Variants in CNTN5 observed in about 807,000 individuals in gnomAD.
The protein encoded by CNTN5 is contactin 5, also known as contactin-5.
CNTN5 carries 77 observed loss-of-function variants against 129.1 expected under a neutral mutation model. The ratio of observed to expected loss-of-function variants is 0.60; its 90% CI spans 0.50 to 0.72. The LOEUF is 0.72. Among genes scored for constraint, CNTN5 ranks in the 30% least tolerant of loss-of-function variants. The probability of loss-of-function intolerance (pLI) is 0.00; values close to 1 mark genes in which losing one functional copy is unlikely to be tolerated. For missense variants in CNTN5, 1,478 were observed against 1,328.8 expected (o/e 1.11, Z -1.75); for synonymous variants, 509 against 465.6 (o/e 1.09, Z -1.20).
intron 3 of CNTN5, among the ~76,000 whole-genome samples, chr11:99,678,123 A>G (rs1277258556): frequency 6.6e-6 from 1 of 152,120 alleles, no homozygotes; most frequent in African/African-American, 2.4e-5. Context: ...TATGTAAATA[A>G]TTGTTGAATA....
chr11:100,312,572 C>A (rs1004219423), intron 21 of CNTN5, among the ~76,000 whole-genome samples: 7 of 151,998 alleles, frequency 4.6e-5, no homozygotes, highest in Non-Finnish European at 1.0e-4. Context: ...CTATCCCTAC[C>A]ACAATTCTAC....
At chr11:99,592,787 T>C (rs1950018015) in intron 3 of CNTN5, among the ~76,000 whole-genome samples, 1 of 152,168 alleles carries the variant, frequency 6.6e-6, no homozygotes, top group South Asian at 2.1e-4. Context: ...GAAGGATTGT[T>C]TTGAGGAACT....
chr11:99,335,702 A>G (rs1177142949), intron 2 of CNTN5, among the ~76,000 whole-genome samples: 1 of 152,090 alleles, frequency 6.6e-6, no homozygotes, highest in Non-Finnish European at 1.5e-5. Context: ...TGGGGTAAAT[A>G]TGTCCCTAAT....
At chr11:99,132,081 A>C (rs1858969683) in intron 1 of CNTN5, among the ~76,000 whole-genome samples, 1 of 152,206 alleles carries the variant, frequency 6.6e-6, no homozygotes, top group Non-Finnish European at 1.5e-5. Flanking sequence ...CCCAGAATGC[A>C]AGGCTGGTTC....
intron 6 of CNTN5, among the ~76,000 whole-genome samples, chr11:99,909,576 T>C (rs971788674): frequency 6.6e-6 from 1 of 152,212 alleles, no homozygotes; most frequent in East Asian, 1.9e-4. Flanking sequence ...TGTCCAACAA[T>C]GATAGACTGG....
chr11:99,848,262 A>C (rs1247122850), intron 6 of CNTN5, among the ~76,000 whole-genome samples: 1 of 152,086 alleles, frequency 6.6e-6, no homozygotes, highest in African/African-American at 2.4e-5. Flanking sequence ...CTTTACATTG[A>C]GATTTTCTGA....
chr11:99,142,014 G>A lies in CNTN5; in HGVS notation c.-210+120744G>A, dbSNP rs565284917. On this transcript the variant is annotated intron_variant, in intron 1 of 24. Transcript: ENST00000524871. ...GTCCTTTATATTCTTCAATTTCCTG[G>A]AGTGTCTGACTGTGCTATAATTGGG... 5.3e-5 allele frequency among the ~76,000 whole-genome samples: 8 copies of A among 152,218 alleles called. No homozygotes were observed. In the South Asian group the frequency reaches 1.7e-3, roughly 32 times the overall value.
At chr11:99,034,457 G>C (rs1316402810) in intron 1 of CNTN5, among the ~76,000 whole-genome samples, 2 of 151,530 alleles carry the variant, frequency 1.3e-5, no homozygotes, top group African/African-American at 2.4e-5. Flanking sequence ...CCCTGTTATT[G>C]GTCTATTCAG....
At chr11:99,429,791 C>T (rs1255603374) in intron 2 of CNTN5, among the ~76,000 whole-genome samples, 2 of 152,050 alleles carry the variant, frequency 1.3e-5, no homozygotes, top group Admixed American at 1.3e-4. Flanking sequence ...AGGCATTTCT[C>T]TAAGTGTTTA....
In CNTN5 at chr11:99,910,991, T is replaced by A. The variant is rs568863954; in HGVS notation, c.578-5063T>A. Among the ~76,000 whole-genome samples the A allele has an allele frequency of 2.0e-5, 3 of 152,132 alleles. No individual in the cohort carries two copies. The East Asian group carries it at 5.8e-4, about 29-fold the overall frequency. ...TACCAAGTCAGTATTACAAAACTTG[T>A]CCGTTGTTTTTACAGAAGTCATAGA... On this transcript the variant is annotated intron_variant, in intron 6 of 24. Transcript: ENST00000524871.
chr11:99,910,721 G>A (rs11221872), intron 6 of CNTN5, among the ~76,000 whole-genome samples: 10,764 of 152,014 alleles, frequency 0.071, 680 homozygotes, highest in East Asian at 0.27. Flanking sequence ...GCATAGAGTA[G>A]GTATGTTAGT....
intron 21 of CNTN5, among the ~76,000 whole-genome samples, chr11:100,315,373 TTTG>T (rs1951555572): frequency 6.6e-6 from 1 of 152,198 alleles, no homozygotes; most frequent in Non-Finnish European, 1.5e-5. Context: ...GTGATTGATT[TTTG>T]TTATTAAATT....
chr11:100,185,116 C>T (rs1440530228), intron 13 of CNTN5, among the ~76,000 whole-genome samples: 2 of 152,090 alleles, frequency 1.3e-5, no homozygotes, highest in Non-Finnish European at 2.9e-5. Context: ...TCAATTAAAC[C>T]TCTTTACTTC....
intron 2 of CNTN5, among the ~76,000 whole-genome samples, chr11:99,406,288 T>A (rs1021288544): frequency 1.3e-5 from 2 of 152,140 alleles, no homozygotes; most frequent in African/African-American, 4.8e-5. Flanking sequence ...GCTGTGGTTC[T>A]TATAGACTCA....
At chr11:99,664,877 A>C (rs1952727486) in intron 3 of CNTN5, among the ~76,000 whole-genome samples, 1 of 152,174 alleles carries the variant, frequency 6.6e-6, no homozygotes, top group Non-Finnish European at 1.5e-5. Context: ...AAATGTGCAC[A>C]TGCTAATTTA....
chr11:99,885,042 G>T (rs1012629467), intron 6 of CNTN5, among the ~76,000 whole-genome samples: 4 of 152,080 alleles, frequency 2.6e-5, no homozygotes, highest in African/African-American at 9.7e-5. Context: ...CAGCACTCTG[G>T]GGGGGTGAGG....
intron 1 of CNTN5, among the ~76,000 whole-genome samples, chr11:99,031,848 G>T (rs1251987610): frequency 1.3e-5 from 2 of 150,568 alleles, no homozygotes; most frequent in South Asian, 4.2e-4. Flanking sequence ...CATGTGCCAT[G>T]CTGGTGCGCT....
At chr11:99,772,924 C>T (rs1944994378) in intron 3 of CNTN5, among the ~76,000 whole-genome samples, 1 of 151,930 alleles carries the variant, frequency 6.6e-6, no homozygotes, top group Admixed American at 6.6e-5. Context: ...TTTGTATTGT[C>T]TAAGTCAGAA....
intron 7 of CNTN5, among the ~76,000 whole-genome samples, chr11:99,946,002 T>C (rs1276575091): frequency 6.6e-6 from 1 of 152,132 alleles, no homozygotes; most frequent in African/African-American, 2.4e-5. Context: ...TTGTTTGACA[T>C]AAAGTATCTA....
Sources: allele counts gnomAD v4.1 joint callset (sites outside exome capture counted in the v4.1 genomes callset), GRCh38; gene constraint gnomAD v4.1.1; transcripts MANE v1.5; gene names NCBI Gene and HGNC (gene_info 2026-07-23, HGNC 2026-07-21).